EIF4E1B: variants seen among roughly 807,000 people sequenced by gnomAD.
EIF4E1B encodes eukaryotic translation initiation factor 4E family member 1B.
In EIF4E1B, 22 loss-of-function variants were observed where a neutral mutation model predicts 31.3. The ratio of observed to expected loss-of-function variants is 0.70; its 90% CI spans 0.50 to 1.00. The LOEUF (loss-of-function observed/expected upper bound fraction) is 1.00, where lower values mean the gene tolerates loss of function less well. EIF4E1B is among the 50% of genes least tolerant of loss of function. The pLI, the probability that EIF4E1B is intolerant of heterozygous loss-of-function variation, is 0.00. For missense variants in EIF4E1B, 290 were observed against 311.6 expected, an observed-to-expected ratio of 0.93 and a Z score of 0.52; for synonymous variants, 126 against 120.2, an observed-to-expected ratio of 1.05 and a Z score of -0.31.
Position 176,646,088 on chromosome 5 carries a change from C to A in EIF4E1B, c.*108C>A. The stretch of plus-strand genomic sequence containing the variant: ...TCAGACAGCCTAGTTCTTACCTGTC[C>A]TCAAGTGAACAGGAATGCAAACACT... On this transcript the variant is annotated 3_prime_UTR_variant, in exon 9 of 9. Transcript: ENST00000318682. 1 of 915,568 alleles carries A rather than the reference C, an allele frequency of 1.1e-6. No homozygotes were observed. The highest frequency in any genetic ancestry group is 1.7e-6 in the Non-Finnish European group (1 of 593,650). 56.7% of individuals were successfully genotyped at this position (915,568 alleles called of 1,614,324 possible). A position where few individuals can be genotyped will look rare whatever the true frequency, so the allele number is the denominator to read the frequency against.
At chr5:176,639,162 C>G (rs949553900) in intron 1 of EIF4E1B, among the ~76,000 whole-genome samples, 1 of 152,100 alleles carries the variant, frequency 6.6e-6, no homozygotes, top group Non-Finnish European at 1.5e-5. Flanking sequence ...CCCCGAGGAA[C>G]CTGGAGAACT....
Position 176,643,190 on chromosome 5 carries a change from T to C in EIF4E1B, c.124T>C (p.Leu42=). 6.2e-7 allele frequency: 1 copy of C among 1,613,640 alleles called. No individual in the cohort carries two copies. Among genetic ancestry groups the C allele is most frequent in the Non-Finnish European group, 8.5e-7 (1 of 1,179,846 alleles). The change falls in exon 4 of 9, where the codon TTG becomes CTG. Residue 42 remains leucine (L), a synonymous_variant. Coordinates refer to ENST00000318682, the MANE Select transcript of EIF4E1B (RefSeq NM_001099408.2). Reference sequence around the variant, plus strand: ...AAAGTCTCCAAACTCTCCCAGGACTTTGCTGTCTCTGAGAGGGAAGGCCCG... The same window carrying C: ...AAAGTCTCCAAACTCTCCCAGGACTCTGCTGTCTCTGAGAGGGAAGGCCCG... The part of the protein sequence containing the change: ...GEKSPNSPRT[L]LSLRGKARTG...
Position 176,645,644 on chromosome 5 carries a change from A to T in EIF4E1B, c.614+128A>T. On this transcript the variant is annotated intron_variant, in intron 8 of 8. Transcript: ENST00000318682. This position sits in a 1 kb window ranked among gnomAD's most constrained non-coding sequence, Gnocchi z 5.4. ...AGCCTCCCTCCCTTCTGCCTTGCCC[A>T]CCTGTATGGAAGGTCTGGCGTTCAG... is the stretch of plus-strand genomic sequence containing the variant. 1 of 1,338,106 alleles carries T rather than the reference A, an allele frequency of 7.5e-7. No homozygotes were observed. The allele number at this position is 1,338,106 out of a possible 1,614,324, so 82.9% of individuals were successfully genotyped here.
At position 176,638,044 on chromosome 5, in the gene EIF4E1B, G is replaced by T. The variant is rs951986163; in HGVS notation, c.-201-3999G>T. On this transcript the variant is annotated intron_variant, in intron 1 of 8. Transcript: ENST00000318682. The surrounding 1 kb of genome is among the most constrained non-coding windows in gnomAD (Gnocchi z 4.3). ...GACAGAGCCCCAGGACCATTCCAGC[G>T]TTTTCGGCTGAGCAGTTGGAAGGGT... Among the ~76,000 whole-genome samples, 1 of 152,184 alleles carries T rather than the reference G, an allele frequency of 6.6e-6. No individual in the cohort carries two copies. The highest frequency in any genetic ancestry group is 1.5e-5 in the Non-Finnish European group (1 of 68,042).
At chr5:176,632,541 C>A (rs1760423576) in intron 1 of EIF4E1B, among the ~76,000 whole-genome samples, 1 of 152,222 alleles carries the variant, frequency 6.6e-6, no homozygotes, top group African/African-American at 2.4e-5. Flanking sequence ...TAGGCATGAG[C>A]CACCTCACCT....
chr5:176,641,242 T>TCACCTGAGCTGAGACG (rs1760570325), intron 1 of EIF4E1B, among the ~76,000 whole-genome samples: 1 of 152,218 alleles, frequency 6.6e-6, no homozygotes. Context: ...GGTGGGGGAA[T>TCACCTGAGCTGAGACG]CACCTGAGCT....
Position 176,645,773 on chromosome 5 carries a change from G to A in EIF4E1B, c.615-93G>A. On this transcript the variant is annotated intron_variant, in intron 8 of 8. Coordinates refer to ENST00000318682, the MANE Select transcript of EIF4E1B (RefSeq NM_001099408.2). The surrounding 1 kb of genome is among the most constrained non-coding windows in gnomAD (Gnocchi z 5.4). ...GACACAACAGGTGTGGCTGTGGCCA[G>A]AATGAGGGTAGGAGTCTGGTGGCCT... 8.1e-7 allele frequency: 1 copy of A among 1,230,298 alleles called. No homozygotes were observed. Among genetic ancestry groups the A allele is most frequent in the Non-Finnish European group, 1.1e-6 (1 of 894,906 alleles). The allele number at this position is 1,230,298 out of a possible 1,614,324, so 76.2% of individuals were successfully genotyped here.
Position 176,645,546 on chromosome 5 carries a change from A to T in EIF4E1B, c.614+30A>T. 6.7e-7 allele frequency: 1 copy of T among 1,500,304 alleles called. No individual in the cohort carries two copies. Among genetic ancestry groups the T allele is most frequent in the Non-Finnish European group, 8.9e-7 (1 of 1,126,456 alleles). 92.9% of individuals were successfully genotyped at this position (1,500,304 alleles called of 1,614,324 possible). A position where few individuals can be genotyped will look rare whatever the true frequency, so the allele number is the denominator to read the frequency against. On this transcript the variant is annotated intron_variant, in intron 8 of 8. Coordinates refer to ENST00000318682, the MANE Select transcript of EIF4E1B (RefSeq NM_001099408.2). This position sits in a 1 kb window ranked among gnomAD's most constrained non-coding sequence, Gnocchi z 5.4. ...GGAGGGTCTCTGGCACAGGGTGGGG[A>T]CTTGGGTCTCTGCTAGAGGGAAGGT...
rs1171646176 is a variant in EIF4E1B at position 176,646,578 on chromosome 5, G to C, written c.*598G>C. On this transcript the variant is annotated 3_prime_UTR_variant, in exon 9 of 9. Transcript: ENST00000318682. ...GGTTCTGGTAGAAGTGGTGGAAGTG[G>C]ATAAACTTGATAATAAAAGCTTAAG... 6.6e-6 allele frequency: 1 copy of C among 152,296 alleles called. No homozygotes were observed. Among genetic ancestry groups the C allele is most frequent in the African/African-American group, 2.4e-5 (1 of 41,446 alleles). 9.4% of individuals were successfully genotyped at this position (152,296 alleles called of 1,614,324 possible). A position where few individuals can be genotyped will look rare whatever the true frequency, so the allele number is the denominator to read the frequency against.
chr5:176,645,545 GA>G lies in EIF4E1B; in HGVS notation c.614+30del. ...AGGAGGGTCTCTGGCACAGGGTGGG[GA>G]CTTGGGTCTCTGCTAGAGGGAAGGT... On this transcript the variant is annotated intron_variant, in intron 8 of 8. Coordinates refer to ENST00000318682, the MANE Select transcript of EIF4E1B (RefSeq NM_001099408.2). This position sits in a 1 kb window ranked among gnomAD's most constrained non-coding sequence, Gnocchi z 5.4. 1 of 1,503,724 alleles carries G rather than the reference GA, an allele frequency of 6.7e-7. No individual in the cohort carries two copies. Among genetic ancestry groups the G allele is most frequent in the Non-Finnish European group, 8.9e-7 (1 of 1,127,962 alleles). The allele number at this position is 1,503,724 out of a possible 1,614,324, so 93.1% of individuals were successfully genotyped here. A position where few individuals can be genotyped will look rare whatever the true frequency, so the allele number is the denominator to read the frequency against.
chr5:176,639,949 G>A (rs1343378205), intron 1 of EIF4E1B, among the ~76,000 whole-genome samples: 3 of 152,066 alleles, frequency 2.0e-5, no homozygotes, highest in Admixed American at 6.6e-5. Context: ...ATCTAGATTC[G>A]TGAGCTCTTC....
At position 176,645,247 on chromosome 5, in the gene EIF4E1B, A is replaced by C. The variant is rs772988298; in HGVS notation, c.474+4A>C. 3 of 1,600,362 alleles carry C rather than the reference A, an allele frequency of 1.9e-6. No homozygotes were observed. The South Asian group carries it at 3.4e-5, about 18-fold the overall frequency. On this transcript the variant is annotated splice_donor_region_variant and intron_variant, in intron 7 of 8. Coordinates refer to ENST00000318682, the MANE Select transcript of EIF4E1B (RefSeq NM_001099408.2). This position sits in a 1 kb window ranked among gnomAD's most constrained non-coding sequence, Gnocchi z 5.4. ...GGACCGGCTGTGGCTGGAGACGGTG[A>C]GTTGGAGGAGGAGGGTCCTCAGGGG... is the stretch of plus-strand genomic sequence containing the variant.
chr5:176,644,468 G>T lies in EIF4E1B; in HGVS notation c.360+29G>T, dbSNP rs538483081. 12 of 1,575,956 alleles carry T rather than the reference G, an allele frequency of 7.6e-6. No individual in the cohort carries two copies. In the East Asian group the frequency reaches 9.3e-5, roughly 12 times the overall value. On this transcript the variant is annotated intron_variant, in intron 6 of 8. Coordinates refer to ENST00000318682, the MANE Select transcript of EIF4E1B (RefSeq NM_001099408.2). ...AGCTCTGCTCTCCTCTTTCCCTCCC[G>T]CAAAGGGACAAGGGGTTGATCCCTC... is the stretch of plus-strand genomic sequence containing the variant.
At chr5:176,644,529 G>A in intron 6 of EIF4E1B, 90 bp downstream of exon 6, 1 of 1,329,424 alleles carries the variant, frequency 7.5e-7, no homozygotes, top group Non-Finnish European at 1.0e-6. Flanking sequence ...AGAGGGGTGG[G>A]GGTGGGGAGC....
intron 6 of EIF4E1B, among the ~76,000 whole-genome samples, 172 bp from the exon 7 acceptor site, chr5:176,644,958 C>T (rs1581187645): frequency 6.6e-6 from 1 of 151,994 alleles, no homozygotes; most frequent in East Asian, 1.9e-4. Context: ...TGCTGTCTGT[C>T]GGGGGGAGCT....
chr5:176,634,586 G>A (rs771393558), intron 1 of EIF4E1B, among the ~76,000 whole-genome samples: 9 of 151,092 alleles, frequency 6.0e-5, no homozygotes, highest in Admixed American at 3.9e-4. Flanking sequence ...TAAACATAAT[G>A]TAACTATAAC....
intron 5 of EIF4E1B, chr5:176,644,050 T>C: frequency 1.8e-6 from 1 of 553,172 alleles, no homozygotes; most frequent in East Asian, 3.0e-5. Flanking sequence ...GCTGCCTCAG[T>C]GTCCGGGTGC....
Position 176,645,138 on chromosome 5 carries a change from C to A in EIF4E1B, c.369C>A (p.Ile123=). ...GCDYALFKDG[I]QPMWEDSRNK... ...TGCCATCTGCCTTGCAGGATGGCAT[C>A]CAGCCCATGTGGGAGGACAGCAGGA... is the stretch of plus-strand genomic sequence containing the variant. Residue 123 remains isoleucine, a synonymous_variant, in exon 7 of 9, where the codon ATC becomes ATA. Transcript: ENST00000318682. This position sits in a 1 kb window ranked among gnomAD's most constrained non-coding sequence, Gnocchi z 5.4. 6.4e-7 allele frequency: 1 copy of A among 1,562,750 alleles called. No homozygotes were observed.
chr5:176,644,961 G>C (rs1033598131), intron 6 of EIF4E1B, among the ~76,000 whole-genome samples, 169 bp from the exon 7 acceptor site: 20 of 152,274 alleles, frequency 1.3e-4, no homozygotes, highest in African/African-American at 3.6e-4. Context: ...TGTCTGTCGG[G>C]GGGAGCTGAG....
Sources: allele counts gnomAD v4.1 joint callset (sites outside exome capture counted in the v4.1 genomes callset), GRCh38; gene constraint gnomAD v4.1.1; non-coding constraint Gnocchi (gnomAD v3.1); transcripts MANE v1.5; gene names NCBI Gene and HGNC (gene_info 2026-07-23, HGNC 2026-07-21).